The following WDR76 variants were observed in gnomAD, a reference collection of about 807,000 sequenced individuals.
WDR76 encodes the protein WD repeat-containing protein 76.
Under a neutral mutation model 70.2 loss-of-function variants are expected in WDR76, and 52 were observed. The observed-to-expected ratio is 0.74, with a 90% CI of 0.59 to 0.93. The LOEUF (loss-of-function observed/expected upper bound fraction) is 0.93, where lower values mean the gene tolerates loss of function less well. Among genes scored for constraint, WDR76 ranks in the 40% least tolerant of loss-of-function variants. WDR76 has a pLI of 0.00. For missense variants in WDR76, 756 were observed against 760.2 expected (o/e 0.99, Z 0.07); for synonymous variants, 292 against 271.1 (o/e 1.08, Z -0.76).
intron 8 of WDR76, among the ~76,000 whole-genome samples, chr15:43,847,081 C>T (rs983091037): frequency 2.0e-5 from 3 of 149,916 alleles, no homozygotes; most frequent in African/African-American, 4.9e-5. Flanking sequence ...CCAGTATCTC[C>T]ATCAACCTAA....
At chr15:43,858,171 T>C (rs993712708) in intron 10 of WDR76, among the ~76,000 whole-genome samples, 4 of 152,144 alleles carry the variant, frequency 2.6e-5, no homozygotes, top group African/African-American at 9.6e-5. Flanking sequence ...GACCCTGTGA[T>C]CCACCCGCCT....
intron 12 of WDR76, among the ~76,000 whole-genome samples, chr15:43,861,864 T>C (rs1288479735): frequency 7.0e-6 from 1 of 142,302 alleles, no homozygotes; most frequent in Admixed American, 7.4e-5. Context: ...TGAGATGGAG[T>C]GTCACTCTGT....
intron 4 of WDR76, among the ~76,000 whole-genome samples, chr15:43,837,003 G>A (rs1014436467): frequency 6.7e-6 from 1 of 148,974 alleles, no homozygotes; most frequent in Admixed American, 6.8e-5. Context: ...TTGCACCATT[G>A]CACTCCAGCC....
In WDR76 at chr15:43,861,346, A is replaced by T. The variant is rs373881361; in HGVS notation, c.1576A>T (p.Ser526Cys). Residue 526 changes from serine (S) to cysteine (C), a missense_variant, in exon 12 of 13, where the codon AGC becomes TGC. Coordinates refer to ENST00000263795, the MANE Select transcript of WDR76 (RefSeq NM_024908.4). The part of the protein sequence containing the change: ...ADCNLRIFDS[S>C]CISSKIPLLT... ...TTTATTTTGCAGAATTTTTGACAGC[A>T]GCTGTATATCTTCTAAGATTCCGCT... The T allele has an allele frequency of 2.5e-6, 4 of 1,614,022 alleles. No individual in the cohort carries two copies. In the South Asian group the frequency reaches 3.3e-5, roughly 13 times the overall value.
intron 8 of WDR76, among the ~76,000 whole-genome samples, chr15:43,850,608 A>G (rs1049736723): frequency 1.3e-5 from 2 of 152,116 alleles, no homozygotes; most frequent in Non-Finnish European, 2.9e-5. Context: ...TTTATGGTGC[A>G]TTTAGAGGAC....
chr15:43,836,194 A>G lies in WDR76; in HGVS notation c.586A>G (p.Arg196Gly), dbSNP rs886577256. The G allele has an allele frequency of 3.1e-6, 5 of 1,609,878 alleles. No homozygotes were observed. Among genetic ancestry groups the G allele is most frequent in the Admixed American group, 3.4e-5 (2 of 59,410 alleles). The change falls in exon 4 of 13, where the codon AGA (arginine) becomes GGA (glycine). Residue 196 changes from arginine to glycine, a missense_variant. Physicochemically the swap from Arg to Gly is moderately radical, Grantham distance 125 (BLOSUM62 -2). Coordinates refer to ENST00000263795, the MANE Select transcript of WDR76 (RefSeq NM_024908.4). ...AAGACTCCGTGAAATGATAGAGAAG[A>G]GACAGCCTCCTAAATCCAAAAGGTA... Reference protein sequence around the residue: ...AARLREMIEKRQPPKSKRKKP... With the variant: ...AARLREMIEKGQPPKSKRKKP...
chr15:43,845,288 C>T (rs2087775150), intron 8 of WDR76, among the ~76,000 whole-genome samples: 1 of 150,142 alleles, frequency 6.7e-6, no homozygotes, highest in Admixed American at 6.6e-5. Context: ...ATATGGTCTG[C>T]TATGGTCTGA....
At chr15:43,847,587 A>AT (rs200976524) in intron 8 of WDR76, among the ~76,000 whole-genome samples, 2,257 of 151,970 alleles carry the variant, frequency 0.015, 36 homozygotes, top group Non-Finnish European at 0.02. Context: ...CACCTGGCTA[A>AT]TTTTTTTGTT....
In WDR76 at chr15:43,866,290, C is replaced by T; in HGVS notation, c.1779C>T (p.Val593=). 6.2e-7 allele frequency: 1 copy of T among 1,614,084 alleles called. No individual in the cohort carries two copies. Among genetic ancestry groups the T allele is most frequent in the Non-Finnish European group, 8.5e-7 (1 of 1,180,034 alleles). Reference sequence around the variant, plus strand: ...ATTCGTTTGGTGGAGAATACCTTGTCTCTGTGTGTTCCATCAATGCCATGC... The same window carrying T: ...ATTCGTTTGGTGGAGAATACCTTGTTTCTGTGTGTTCCATCAATGCCATGC... ...RVHSFGGEYL[V]SVCSINAMHP... is the part of the protein sequence containing the mutation. Residue 593 remains valine (V), a synonymous_variant, in exon 13 of 13, where the codon GTC becomes GTT. Transcript: ENST00000263795.
chr15:43,862,180 C>G (rs1311313446), intron 12 of WDR76, among the ~76,000 whole-genome samples: 8 of 150,992 alleles, frequency 5.3e-5, no homozygotes, highest in African/African-American at 1.5e-4. Context: ...ATGCCTTCTC[C>G]TTGATATTCC....
At chr15:43,857,496 C>A (rs1438579019) in intron 10 of WDR76, 1 of 985,168 alleles carries the variant, frequency 1.0e-6, no homozygotes, top group Non-Finnish European at 1.2e-6. Flanking sequence ...CCTGTGTTAA[C>A]TTTTTTCTAG....
intron 8 of WDR76, among the ~76,000 whole-genome samples, chr15:43,844,971 CT>C (rs1168194457): frequency 2.2e-5 from 2 of 89,460 alleles, no homozygotes; most frequent in Non-Finnish European, 4.5e-5. Flanking sequence ...GTTTAGTTTT[CT>C]TTTTTTGGAG....
At chr15:43,856,020 C>T (rs1030262224) in intron 9 of WDR76, among the ~76,000 whole-genome samples, 3 of 152,158 alleles carry the variant, frequency 2.0e-5, no homozygotes, top group Admixed American at 6.6e-5. Context: ...TTTTTTTCTC[C>T]TCTTCTTTAT....
In WDR76 at chr15:43,846,568, G is replaced by A. The variant is rs898793423; in HGVS notation, c.1032+2514G>A. Among the ~76,000 whole-genome samples the A allele has an allele frequency of 2.2e-5, 3 of 135,102 alleles. 1 individual carries two copies. The highest frequency in any genetic ancestry group is 5.3e-5 in the Non-Finnish European group (3 of 56,954). The allele number at this position is 135,102 out of a possible 152,430, so 88.6% of individuals were successfully genotyped here. ...CAAAGTGCTGGGATTACAGGTGTGAGCCACCACACCCATCTGAGACTACTT... is the reference window on the plus strand; with the variant it reads ...CAAAGTGCTGGGATTACAGGTGTGAACCACCACACCCATCTGAGACTACTT... On this transcript the variant is annotated intron_variant, in intron 8 of 12. Coordinates refer to ENST00000263795, the MANE Select transcript of WDR76 (RefSeq NM_024908.4).
chr15:43,845,401 C>T (rs1186426216), intron 8 of WDR76, among the ~76,000 whole-genome samples: 2 of 150,118 alleles, frequency 1.3e-5, no homozygotes, highest in Non-Finnish European at 3.0e-5. Flanking sequence ...AAGATTAGTG[C>T]CCTTATAAAA....
At chr15:43,845,465 G>A (rs1295297418) in intron 8 of WDR76, among the ~76,000 whole-genome samples, 1 of 150,140 alleles carries the variant, frequency 6.7e-6, no homozygotes, top group African/African-American at 2.4e-5. Flanking sequence ...CAGCTAGAAG[G>A]CACCAACTAT....
chr15:43,856,413 A>G (rs1458511263), intron 9 of WDR76, among the ~76,000 whole-genome samples: 3 of 152,196 alleles, frequency 2.0e-5, no homozygotes, highest in African/African-American at 4.8e-5. Flanking sequence ...TACTTTGCAT[A>G]TTAAAATATA....
At chr15:43,836,088 T>A (rs1567183279) in intron 3 of WDR76, 73 bp from the exon 4 acceptor site, 18 of 1,377,930 alleles carry the variant, frequency 1.3e-5, no homozygotes, top group Non-Finnish European at 1.7e-5. Flanking sequence ...GTGGGTATAG[T>A]AGCAGATGCT....
intron 8 of WDR76, among the ~76,000 whole-genome samples, chr15:43,847,402 A>C (rs768132541): frequency 3.3e-5 from 5 of 150,146 alleles, no homozygotes; most frequent in Non-Finnish European, 7.4e-5. Context: ...CTGGGATTAT[A>C]GGCGCTCGCT....
Sources: gnomAD v4.1 joint callset for allele counts (sites outside exome capture counted in the v4.1 genomes callset) on GRCh38, gnomAD v4.1.1 for gene constraint, MANE v1.5 for transcripts, NCBI Gene and HGNC (gene_info 2026-07-23, HGNC 2026-07-21) for gene names.